The following TRPM3 variants were observed in gnomAD, a reference collection of about 807,000 sequenced individuals.
TRPM3 encodes the protein transient receptor potential cation channel subfamily M member 3.
TRPM3 carries 77 observed loss-of-function variants against 181.2 expected under a neutral mutation model. The observed-to-expected ratio is 0.42, with a 90% CI of 0.35 to 0.51. The LOEUF is 0.51. Among genes scored for constraint, TRPM3 ranks in the 20% least tolerant of loss-of-function variants. TRPM3 has a pLI of 0.01. For missense variants in TRPM3, 1,759 were observed against 2,196.7 expected, an observed-to-expected ratio of 0.80 and a Z score of 3.98; for synonymous variants, 745 against 796.4, an observed-to-expected ratio of 0.94 and a Z score of 1.09.
At chr9:70,650,479 T>A in intron 9 of TRPM3, among the ~76,000 whole-genome samples, 1 of 152,254 alleles carries the variant, frequency 6.6e-6, no homozygotes, top group Non-Finnish European at 1.5e-5. Flanking sequence ...CAGTTCTTCC[T>A]GGCATAAGGT....
At chr9:70,673,936 T>A (rs1590128838) in intron 9 of TRPM3, among the ~76,000 whole-genome samples, 1 of 72,492 alleles carries the variant, frequency 1.4e-5, no homozygotes, top group Non-Finnish European at 2.4e-5. Context: ...GAGACCAGAG[T>A]AAAACTCCAT....
intron 1 of TRPM3, among the ~76,000 whole-genome samples, chr9:71,303,361 A>G (rs1159395046): frequency 1.3e-5 from 2 of 152,262 alleles, no homozygotes; most frequent in African/African-American, 4.8e-5. Context: ...ATATCTCTTT[A>G]TCTGCATTCT....
At chr9:71,015,392 G>T (rs951302694) in intron 1 of TRPM3, among the ~76,000 whole-genome samples, 1 of 152,082 alleles carries the variant, frequency 6.6e-6, no homozygotes, top group Non-Finnish European at 1.5e-5. Context: ...GCTAAGCAGT[G>T]AATTATAATT....
At chr9:71,417,344 T>C (rs1458755145) in intron 1 of TRPM3, among the ~76,000 whole-genome samples, 3 of 152,004 alleles carry the variant, frequency 2.0e-5, no homozygotes, top group Non-Finnish European at 4.4e-5. Flanking sequence ...AATGGGTGTA[T>C]AGTGATATCT....
At chr9:71,018,304 A>G (rs947698174) in intron 1 of TRPM3, among the ~76,000 whole-genome samples, 2 of 151,758 alleles carry the variant, frequency 1.3e-5, no homozygotes, top group African/African-American at 4.8e-5. Context: ...AAAATAAAAA[A>G]GAAAAAAGGA....
At chr9:71,275,266 A>G (rs2084108556) in intron 1 of TRPM3, among the ~76,000 whole-genome samples, 1 of 152,220 alleles carries the variant, frequency 6.6e-6, no homozygotes, top group Non-Finnish European at 1.5e-5. Context: ...AAAGCTTTAA[A>G]ATGTTTTTTA....
intron 1 of TRPM3, among the ~76,000 whole-genome samples, chr9:71,302,907 A>G (rs2086908192): frequency 6.6e-6 from 1 of 152,158 alleles, no homozygotes; most frequent in African/African-American, 2.4e-5. Flanking sequence ...GCATAGTGCT[A>G]TGTCACTGAG....
intron 1 of TRPM3, among the ~76,000 whole-genome samples, chr9:70,958,455 T>C (rs2097102165): frequency 1.3e-5 from 2 of 152,182 alleles, no homozygotes; most frequent in Non-Finnish European, 2.9e-5. Context: ...GTTTCCTGAC[T>C]TTTTAATGAT....
intron 1 of TRPM3, among the ~76,000 whole-genome samples, chr9:71,003,382 C>G (rs2097636630): frequency 6.8e-6 from 1 of 147,722 alleles, no homozygotes; most frequent in Admixed American, 6.9e-5. Flanking sequence ...AATAATGATG[C>G]AATAAATAAT....
chr9:71,389,635 A>G (rs2093013736), intron 1 of TRPM3, among the ~76,000 whole-genome samples: 1 of 152,116 alleles, frequency 6.6e-6, no homozygotes, highest in Non-Finnish European at 1.5e-5. Flanking sequence ...CATATATAAG[A>G]TGGAATACTA....
intron 1 of TRPM3, among the ~76,000 whole-genome samples, chr9:71,164,695 T>C (rs1473592871): frequency 6.6e-6 from 1 of 152,170 alleles, no homozygotes; most frequent in East Asian, 1.9e-4. Flanking sequence ...TAAATTTTAT[T>C]TTCCTGTCAA....
intron 1 of TRPM3, among the ~76,000 whole-genome samples, chr9:71,040,442 C>T (rs2058693663): frequency 6.6e-6 from 1 of 152,174 alleles, no homozygotes; most frequent in Non-Finnish European, 1.5e-5. Context: ...GAGATATTTT[C>T]TCATGCTGTA....
At chr9:70,778,087 T>A (rs2081780843) in intron 7 of TRPM3, among the ~76,000 whole-genome samples, 1 of 152,122 alleles carries the variant, frequency 6.6e-6, no homozygotes, top group Non-Finnish European at 1.5e-5. Context: ...ATTAATTCTT[T>A]GTCTGAGTTG....
intron 20 of TRPM3, 36 bp from the exon 21 acceptor site, chr9:70,598,706 T>C (rs1201865784): frequency 1.3e-6 from 2 of 1,594,600 alleles, no homozygotes; most frequent in Non-Finnish European, 1.7e-6. Context: ...TTAGGTCTGG[T>C]TTCTGTCTGT....
chr9:70,576,869 A>C (rs1478873330), intron 22 of TRPM3, among the ~76,000 whole-genome samples: 3 of 152,166 alleles, frequency 2.0e-5, no homozygotes, highest in Non-Finnish European at 4.4e-5. Context: ...CCTAGTTGAA[A>C]GCATCCAGAC....
chr9:70,782,068 A>G (rs1482127518), intron 7 of TRPM3, among the ~76,000 whole-genome samples: 1 of 152,204 alleles, frequency 6.6e-6, no homozygotes, highest in Non-Finnish European at 1.5e-5. Flanking sequence ...ACTTTGTAGG[A>G]ATACCATAAA....
At chr9:70,678,402 C>T (rs2064579558) in intron 9 of TRPM3, among the ~76,000 whole-genome samples, 1 of 152,104 alleles carries the variant, frequency 6.6e-6, no homozygotes, top group Non-Finnish European at 1.5e-5. Context: ...CAAAGTGTTG[C>T]TGTTACAGGC....
At chr9:71,228,208 T>C (rs1047627569) in intron 1 of TRPM3, among the ~76,000 whole-genome samples, 3 of 152,178 alleles carry the variant, frequency 2.0e-5, no homozygotes, top group African/African-American at 7.2e-5. Context: ...TGATGCATTA[T>C]ATCAACAGAA....
chr9:70,589,888 T>C (rs1035762748), intron 22 of TRPM3, among the ~76,000 whole-genome samples: 2 of 152,154 alleles, frequency 1.3e-5, no homozygotes, highest in Non-Finnish European at 2.9e-5. Flanking sequence ...GGACTCACAC[T>C]CTTTGCTGCC....
Sources: allele counts gnomAD v4.1 joint callset (sites outside exome capture counted in the v4.1 genomes callset), GRCh38; gene constraint gnomAD v4.1.1; transcripts MANE v1.5; gene names NCBI Gene and HGNC (gene_info 2026-07-23, HGNC 2026-07-21).